Variants in SPAG17 observed in about 807,000 individuals in gnomAD.
The protein encoded by SPAG17 is sperm associated antigen 17, also known as sperm-associated antigen 17.
In SPAG17, 169 loss-of-function variants were observed where a neutral mutation model predicts 273.6. That is an observed-to-expected ratio of 0.62 (90% CI 0.55 to 0.70). The LOEUF is 0.70. Among genes scored for constraint, SPAG17 ranks in the 30% least tolerant of loss-of-function variants. SPAG17 has a pLI of 0.00. For synonymous variants in SPAG17, 825 were observed against 873.2 expected, an observed-to-expected ratio of 0.94 and a Z score of 0.97; for missense variants, 2,557 against 2,627.8, an observed-to-expected ratio of 0.97 and a Z score of 0.59.
chr1:118,129,546 A>G (rs1361161673), intron 3 of SPAG17, among the ~76,000 whole-genome samples: 1 of 152,144 alleles, frequency 6.6e-6, no homozygotes, highest in African/African-American at 2.4e-5. Flanking sequence ...TTTCATAATA[A>G]TGTATTTAGC....
chr1:118,085,250 G>C (rs1025150812), intron 13 of SPAG17, among the ~76,000 whole-genome samples: 1 of 152,128 alleles, frequency 6.6e-6, no homozygotes, highest in Non-Finnish European at 1.5e-5. Flanking sequence ...AGAATGGAAA[G>C]AGACAGAAGA....
chr1:118,062,389 T>TAAAAAAAAAAA (rs1652428005), intron 18 of SPAG17, among the ~76,000 whole-genome samples: 2 of 115,814 alleles, frequency 1.7e-5, no homozygotes, highest in African/African-American at 3.4e-5. Flanking sequence ...AAAAAAAAAT[T>TAAAAAAAAAAA]AAAGAAAAAG....
intron 48 of SPAG17, among the ~76,000 whole-genome samples, chr1:117,956,785 T>C (rs914818096): frequency 2.6e-5 from 4 of 152,144 alleles, no homozygotes; most frequent in African/African-American, 9.7e-5. Context: ...CATATGAAGA[T>C]GGAATATTCA....
intron 3 of SPAG17, among the ~76,000 whole-genome samples, chr1:118,142,525 T>C (rs1460022469): frequency 6.6e-6 from 1 of 152,220 alleles, no homozygotes; most frequent in Admixed American, 6.5e-5. Context: ...AATGGGTTTC[T>C]AGTATTTTCA....
In SPAG17 at chr1:118,115,451, AAC is replaced by A; in HGVS notation, c.316-12_316-11del. The stretch of plus-strand genomic sequence containing the variant: ...TTGCTGCCGTTAACACCTATACAGA[AAC>A]ACAATTATTAGAAAAAGTGATGTTT... On this transcript the variant is annotated splice_polypyrimidine_tract_variant and intron_variant, in intron 3 of 48. Coordinates refer to ENST00000336338, the MANE Select transcript of SPAG17 (RefSeq NM_206996.4). The A allele has an allele frequency of 6.2e-7, 1 of 1,600,424 alleles. No homozygotes were observed.
intron 8 of SPAG17, 98 bp downstream of exon 8, chr1:118,093,058 G>A (rs1360572185): frequency 7.7e-7 from 1 of 1,292,818 alleles, no homozygotes; most frequent in Non-Finnish European, 1.1e-6. Context: ...CTTAATGTAA[G>A]TATTTATGTA....
At chr1:117,979,418 G>T (rs971083396) in intron 43 of SPAG17, among the ~76,000 whole-genome samples, 1 of 152,172 alleles carries the variant, frequency 6.6e-6, no homozygotes, top group African/African-American at 2.4e-5. Flanking sequence ...CCACCCTCAT[G>T]ATATAGTTCC....
rs558616956 is a variant in SPAG17 at position 118,099,732 on chromosome 1, C to A, written c.703G>T (p.Ala235Ser). 25 of 1,613,676 alleles carry A rather than the reference C, an allele frequency of 1.5e-5. No individual in the cohort carries two copies. The Admixed American group carries it at 3.5e-4, about 23-fold the overall frequency. ...GGAATGCCAAGCTCAGCCATAATTG[C>A]TAATAGCTGAGGATTGTTAAAGCCC... ...VVGFNNPQLLAIMAELGIPIT... is the reference protein window; with the variant it reads ...VVGFNNPQLLSIMAELGIPIT... The change falls in exon 6 of 49, where the codon GCA (alanine) becomes TCA (serine). Residue 235 changes from alanine to serine, a missense_variant. Coordinates refer to ENST00000336338, the MANE Select transcript of SPAG17 (RefSeq NM_206996.4).
At chr1:118,061,783 A>C (rs1349444723) in intron 18 of SPAG17, among the ~76,000 whole-genome samples, 1 of 152,254 alleles carries the variant, frequency 6.6e-6, no homozygotes, top group Non-Finnish European at 1.5e-5. Context: ...TATATCAATT[A>C]TACCTCAATA....
At chr1:118,170,549 T>C (rs1201266440) in intron 1 of SPAG17, among the ~76,000 whole-genome samples, 2 of 152,156 alleles carry the variant, frequency 1.3e-5, no homozygotes, top group African/African-American at 2.4e-5. Context: ...AAGTCATCTA[T>C]TGAAGGTGTA....
rs772482434 is a variant in SPAG17, at chr1:117,987,390, C to T, written c.5669+444G>A. On this transcript the variant is annotated intron_variant, in intron 40 of 48. Transcript: ENST00000336338. ...ATAGATAGTTTCATGAGTACTGCTA[C>T]ATAGTCAACAAATATATCTGGCTTC... Among the ~76,000 whole-genome samples, 6 of 152,342 alleles carry T rather than the reference C, an allele frequency of 3.9e-5. No homozygotes were observed. In the South Asian group the frequency reaches 6.2e-4, roughly 16 times the overall value.
chr1:118,058,895 CAATT>C lies in SPAG17; in HGVS notation c.2541-2985_2541-2982del, dbSNP rs1260448921. ...ATTTTATCAGATTGATAAAAATCCT[CAATT>C]AAGAAGGATTCAAAAATAAATTTGC... On this transcript the variant is annotated intron_variant, in intron 18 of 48. Transcript: ENST00000336338. 1.3e-4 allele frequency among the ~76,000 whole-genome samples: 20 copies of C among 152,138 alleles called. No homozygotes were observed. In the South Asian group the frequency reaches 3.9e-3, roughly 30 times the overall value.
At chr1:118,123,597 A>T (rs1360187826) in intron 3 of SPAG17, among the ~76,000 whole-genome samples, 1 of 152,200 alleles carries the variant, frequency 6.6e-6, no homozygotes, top group Non-Finnish European at 1.5e-5. Flanking sequence ...GATGATAAAT[A>T]TCTGTAGCAG....
chr1:118,064,910 G>C (rs908547556), intron 18 of SPAG17, among the ~76,000 whole-genome samples: 5 of 151,802 alleles, frequency 3.3e-5, no homozygotes, highest in African/African-American at 1.2e-4. Context: ...AAAATCACAA[G>C]ATAGGATTTT....
intron 47 of SPAG17, 110 bp downstream of exon 47, chr1:117,966,499 T>A (rs1249262797): frequency 2.8e-5 from 31 of 1,106,546 alleles, no homozygotes; most frequent in Non-Finnish European, 3.7e-5. Context: ...TTAACTCTGA[T>A]TTTGAAGATA....
chr1:118,010,163 A>G (rs1659326773), intron 30 of SPAG17, among the ~76,000 whole-genome samples: 1 of 152,204 alleles, frequency 6.6e-6, no homozygotes, highest in Admixed American at 6.5e-5. Context: ...GATATACTGT[A>G]TAACATGGTG....
At chr1:118,107,665 T>A (rs780144870) in intron 4 of SPAG17, among the ~76,000 whole-genome samples, 3 of 152,134 alleles carry the variant, frequency 2.0e-5, no homozygotes, top group Admixed American at 1.3e-4. Context: ...CAGCTAAAAG[T>A]ATTTTTAAAG....
At chr1:118,008,603 C>T (rs576280308) in intron 30 of SPAG17, among the ~76,000 whole-genome samples, 1 of 152,180 alleles carries the variant, frequency 6.6e-6, no homozygotes, top group African/African-American at 2.4e-5. Context: ...CTCCTTATAT[C>T]TGGGCTTATT....
intron 20 of SPAG17, among the ~76,000 whole-genome samples, chr1:118,049,428 T>C (rs1650746142): frequency 6.6e-6 from 1 of 152,164 alleles, no homozygotes; most frequent in African/African-American, 2.4e-5. Flanking sequence ...CCTATTCAAG[T>C]CAATAAATGT....
Sources: allele counts gnomAD v4.1 joint callset (sites outside exome capture counted in the v4.1 genomes callset), GRCh38; gene constraint gnomAD v4.1.1; transcripts MANE v1.5; gene names NCBI Gene and HGNC (gene_info 2026-07-23, HGNC 2026-07-21).